The following EPB41L4A variants were observed in gnomAD, a reference collection of about 807,000 sequenced individuals.
EPB41L4A encodes band 4.1-like protein 4A.
EPB41L4A carries 100 observed loss-of-function variants against 108.6 expected under a neutral mutation model. The ratio of observed to expected loss-of-function variants is 0.92; its 90% CI spans 0.78 to 1.09. EPB41L4A has a LOEUF of 1.09. EPB41L4A is among the 50% of genes least tolerant of loss of function. The probability of loss-of-function intolerance (pLI) is 0.00; values close to 1 mark genes in which losing one functional copy is unlikely to be tolerated. For missense variants in EPB41L4A, 1,030 were observed against 842.7 expected (o/e 1.22, Z -2.75); for synonymous variants, 319 against 289.0 (o/e 1.10, Z -1.05).
At chr5:112,165,346 C>T (rs758226317) in intron 22 of EPB41L4A, among the ~76,000 whole-genome samples, 8 of 152,064 alleles carry the variant, frequency 5.3e-5, no homozygotes, top group Admixed American at 2.6e-4. Context: ...ACATGCATAA[C>T]GATTTTATTC....
chr5:112,213,265 T>C (rs1490444430), intron 12 of EPB41L4A, among the ~76,000 whole-genome samples: 2 of 152,178 alleles, frequency 1.3e-5, no homozygotes, highest in Non-Finnish European at 2.9e-5. Context: ...AGATAAGGTA[T>C]AATCAGTAAT....
intron 1 of EPB41L4A, among the ~76,000 whole-genome samples, chr5:112,350,599 C>A (rs1757975310): frequency 6.6e-6 from 1 of 152,174 alleles, no homozygotes; most frequent in Non-Finnish European, 1.5e-5. Flanking sequence ...CATGTTTGTA[C>A]CCATTAACCT....
intron 6 of EPB41L4A, chr5:112,263,624 A>T (rs1751642205): frequency 6.6e-6 from 1 of 152,152 alleles, no homozygotes; most frequent in Admixed American, 6.5e-5. Context: ...CTCTCTGACC[A>T]TCTACTTCAG....
At chr5:112,175,357 T>A (rs1561450043) in intron 18 of EPB41L4A, 1 of 152,232 alleles carries the variant, frequency 6.6e-6, no homozygotes, top group East Asian at 1.9e-4. Flanking sequence ...ATGTACTAAA[T>A]AGAACTGTAC....
chr5:112,358,370 T>C (rs1046623942), intron 1 of EPB41L4A, among the ~76,000 whole-genome samples: 6 of 152,240 alleles, frequency 3.9e-5, no homozygotes, highest in African/African-American at 9.6e-5. Context: ...ATTAGTCCTA[T>C]AGAACTCTGG....
intron 1 of EPB41L4A, among the ~76,000 whole-genome samples, chr5:112,396,021 T>A (rs147166464): frequency 0.05 from 7,547 of 152,122 alleles, 569 homozygotes; most frequent in African/African-American, 0.16. Flanking sequence ...ACACCACATG[T>A]TCTCACTCAT....
At chr5:112,287,328 T>C (rs1256925025) in intron 2 of EPB41L4A, among the ~76,000 whole-genome samples, 1 of 152,232 alleles carries the variant, frequency 6.6e-6, no homozygotes, top group Non-Finnish European at 1.5e-5. Flanking sequence ...TACAGCACTT[T>C]TCCATTGGTT....
chr5:112,182,058 GA>G (rs1213394985), intron 18 of EPB41L4A, among the ~76,000 whole-genome samples: 106 of 142,276 alleles, frequency 7.5e-4, no homozygotes, highest in Middle Eastern at 7.4e-3. Context: ...GGGTGACAGA[GA>G]AAAAAAAAAA....
intron 17 of EPB41L4A, among the ~76,000 whole-genome samples, chr5:112,190,623 C>G (rs1761650018): frequency 6.6e-6 from 1 of 152,218 alleles, no homozygotes; most frequent in Non-Finnish European, 1.5e-5. Flanking sequence ...TGGCTCTGTA[C>G]TTCAAAGTGC....
At chr5:112,201,583 C>A (rs1195373289) in intron 15 of EPB41L4A, among the ~76,000 whole-genome samples, 1 of 152,092 alleles carries the variant, frequency 6.6e-6, no homozygotes, top group East Asian at 1.9e-4. Flanking sequence ...TGACAAATTG[C>A]ACTAATTAAT....
chr5:112,182,312 T>G (rs763282846), intron 18 of EPB41L4A, among the ~76,000 whole-genome samples: 2 of 152,142 alleles, frequency 1.3e-5, no homozygotes, highest in African/African-American at 2.4e-5. Flanking sequence ...ACCACTTGAC[T>G]AAAAAATTAT....
chr5:112,357,702 T>C (rs1015224748), intron 1 of EPB41L4A, among the ~76,000 whole-genome samples: 1 of 152,224 alleles, frequency 6.6e-6, no homozygotes, highest in Non-Finnish European at 1.5e-5. Flanking sequence ...GCCAGAATTA[T>C]GGCTTTACAC....
At chr5:112,262,376 A>G in intron 7 of EPB41L4A, 118 bp downstream of exon 7, 2 of 796,412 alleles carry the variant, frequency 2.5e-6, no homozygotes, top group Non-Finnish European at 2.1e-6. Context: ...AAACAGATAA[A>G]AAAGTATCAT....
chr5:112,145,286 T>C lies in EPB41L4A; in HGVS notation n.1112+595A>G, dbSNP rs368781036. On this transcript the variant is annotated intron_variant and non_coding_transcript_variant, in intron 13 of 13. Coordinates refer to the EPB41L4A transcript ENST00000507810. ...GCCTGGGCAACAGAGTGAGGTTATATAAAGTGTGGTTCATCTTAATTTGAT... is the reference window on the plus strand; with the variant it reads ...GCCTGGGCAACAGAGTGAGGTTATACAAAGTGTGGTTCATCTTAATTTGAT... Among the ~76,000 whole-genome samples the C allele has an allele frequency of 1.1e-4, 16 of 152,310 alleles. No homozygotes were observed. The East Asian group carries it at 3.1e-3, about 29-fold the overall frequency.
At chr5:112,275,623 G>T (rs1398019600) in intron 3 of EPB41L4A, among the ~76,000 whole-genome samples, 1 of 151,816 alleles carries the variant, frequency 6.6e-6, no homozygotes, top group East Asian at 1.9e-4. Context: ...AATGTTGCTG[G>T]TTCTTATGTC....
intron 4 of EPB41L4A, among the ~76,000 whole-genome samples, chr5:112,273,661 G>C (rs1160780706): frequency 6.6e-6 from 1 of 152,170 alleles, no homozygotes; most frequent in African/African-American, 2.4e-5. Flanking sequence ...TACATCTCCA[G>C]TTTTACAACT....
At chr5:112,320,813 G>C (rs577993499) in intron 1 of EPB41L4A, among the ~76,000 whole-genome samples, 2 of 152,284 alleles carry the variant, frequency 1.3e-5, no homozygotes, top group African/African-American at 4.8e-5. Flanking sequence ...AAAATCAGCA[G>C]GAACATCCCT....
chr5:112,393,992 AT>A (rs1580820658), intron 1 of EPB41L4A, among the ~76,000 whole-genome samples: 4 of 152,212 alleles, frequency 2.6e-5, no homozygotes, highest in Admixed American at 2.6e-4. Context: ...CAAAAATCAC[AT>A]GATTATCTCA....
intron 15 of EPB41L4A, among the ~76,000 whole-genome samples, chr5:112,197,445 A>G (rs1394739693): frequency 6.6e-6 from 1 of 152,208 alleles, no homozygotes; most frequent in Non-Finnish European, 1.5e-5. Context: ...TGGGGTCACT[A>G]TTTAGCATAA....
Sources: gnomAD v4.1 joint callset for allele counts (sites outside exome capture counted in the v4.1 genomes callset) on GRCh38, gnomAD v4.1.1 for gene constraint, MANE v1.5 for transcripts, NCBI Gene and HGNC (gene_info 2026-07-23, HGNC 2026-07-21) for gene names.